Variants in MTRF1 observed in about 807,000 individuals in gnomAD.
MTRF1 encodes the protein mitochondrial translation release factor 1.
A neutral mutation model predicts 62.9 loss-of-function variants in MTRF1; 51 were observed. That is an observed-to-expected ratio of 0.81 (90% confidence interval 0.65 to 1.02). The LOEUF is 1.02. Among genes scored for constraint, MTRF1 ranks in the 50% least tolerant of loss-of-function variants. The pLI, the probability that MTRF1 is intolerant of heterozygous loss-of-function variation, is 0.00. For synonymous variants in MTRF1, 158 were observed against 181.9 expected (o/e 0.87, Z 1.06); for missense variants, 446 against 530.0 (o/e 0.84, Z 1.56).
chr13:41,275,954 T>C, the MTRF1 span, among the ~76,000 whole-genome samples: 1 of 152,188 alleles, frequency 6.6e-6, no homozygotes, highest in African/African-American at 2.4e-5. Context: ...CCATAATCAC[T>C]TGCCCCTCCA....
the MTRF1 span, among the ~76,000 whole-genome samples, chr13:41,299,535 A>T: frequency 1.3e-5 from 2 of 152,170 alleles, no homozygotes; most frequent in East Asian, 3.9e-4. Context: ...TGAATACTAA[A>T]CAGGAATCCA....
chr13:41,274,550 C>A, the MTRF1 span, among the ~76,000 whole-genome samples: 1 of 151,938 alleles, frequency 6.6e-6, no homozygotes, highest in Non-Finnish European at 1.5e-5. Flanking sequence ...AATGCTGAAA[C>A]AAATTTGTTG....
At chr13:41,259,712 A>AAAAACAAAAACAAAAAAAAAC (rs1566179405) in intron 2 of MTRF1, among the ~76,000 whole-genome samples, 2,853 of 136,758 alleles carry the variant, frequency 0.021, 162 homozygotes, top group African/African-American at 0.074. Flanking sequence ...AAAAAAAAAA[A>AAAAACAAAAACAAAAAAAAAC]AAAAAAAAAC....
intron 7 of MTRF1, among the ~76,000 whole-genome samples, chr13:41,227,458 C>T (rs553906301): frequency 2.4e-4 from 37 of 152,274 alleles, no homozygotes; most frequent in African/African-American, 7.5e-4. Context: ...CTAATCAATA[C>T]ATCTAACCTC....
chr13:41,222,169 A>G (rs1028445861), intron 9 of MTRF1, among the ~76,000 whole-genome samples: 1 of 152,146 alleles, frequency 6.6e-6, no homozygotes, highest in African/African-American at 2.4e-5. Context: ...AAAACATCAA[A>G]GATTTCTGTC....
intron 5 of MTRF1, among the ~76,000 whole-genome samples, chr13:41,248,389 T>C (rs1456998042): frequency 6.6e-6 from 1 of 152,258 alleles, no homozygotes; most frequent in Non-Finnish European, 1.5e-5. Context: ...CCCAAAGTGC[T>C]GTGATTACAG....
the MTRF1 span, among the ~76,000 whole-genome samples, chr13:41,273,152 C>T: frequency 3.9e-5 from 6 of 151,946 alleles, no homozygotes; most frequent in African/African-American, 1.5e-4. Flanking sequence ...CAGTGAAACC[C>T]CGTCTCTACT....
intron 2 of MTRF1, among the ~76,000 whole-genome samples, chr13:41,257,515 G>T (rs1375800084): frequency 6.6e-6 from 1 of 152,192 alleles, no homozygotes; most frequent in African/African-American, 2.4e-5. Context: ...TCAAATCCTT[G>T]CTTCTCCCCT....
At chr13:41,218,281 A>ATTTTTTTT (rs199717534) in intron 9 of MTRF1, among the ~76,000 whole-genome samples, 13 of 117,886 alleles carry the variant, frequency 1.1e-4, no homozygotes, top group African/African-American at 4.1e-4. Flanking sequence ...CACCCAGCTA[A>ATTTTTTTT]TTTTTTTTTT....
intron 7 of MTRF1, chr13:41,229,583 T>A (rs533226528): frequency 1.3e-5 from 2 of 152,312 alleles, no homozygotes; most frequent in African/African-American, 4.8e-5. Flanking sequence ...CATAGGGTGG[T>A]TTTACAACTT....
the MTRF1 span, chr13:41,311,230 G>A: frequency 9.8e-6 from 5 of 509,426 alleles, no homozygotes; most frequent in South Asian, 7.6e-5. Context: ...CATGCGCACA[G>A]GATCCGGCTC....
the MTRF1 span, among the ~76,000 whole-genome samples, chr13:41,301,985 T>C: frequency 6.6e-6 from 1 of 152,140 alleles, no homozygotes; most frequent in Non-Finnish European, 1.5e-5. Context: ...ATTTAAACTT[T>C]CTTCTTCAGA....
In MTRF1 at chr13:41,216,964, TG is replaced by T. The variant is rs1285902642; in HGVS notation, c.*150del. ...AAATAAATTCTTAGGTCAGGAAATG[TG>T]ACTTCGATTAATTACAAAACATATA... On this transcript the variant is annotated 3_prime_UTR_variant, in exon 10 of 10. Coordinates refer to ENST00000379480, the MANE Select transcript of MTRF1 (RefSeq NM_004294.4). 5 of 458,496 alleles carry T rather than the reference TG, an allele frequency of 1.1e-5. No homozygotes were observed. Among genetic ancestry groups the T allele is most frequent in the African/African-American group, 1.0e-4 (5 of 49,842 alleles). The allele number at this position is 458,496 out of a possible 1,614,324, so 28.4% of individuals were successfully genotyped here.
At chr13:41,307,776 T>C in the MTRF1 span, among the ~76,000 whole-genome samples, 1 of 152,174 alleles carries the variant, frequency 6.6e-6, no homozygotes, top group Admixed American at 6.5e-5. Flanking sequence ...TGTGAGCCAA[T>C]TAAACTTCTT....
At chr13:41,274,896 A>G in the MTRF1 span, among the ~76,000 whole-genome samples, 1 of 151,654 alleles carries the variant, frequency 6.6e-6, no homozygotes. Context: ...TACAGACATG[A>G]GCCTCCGTGC....
At chr13:41,293,152 T>TTGTG in the MTRF1 span, among the ~76,000 whole-genome samples, 8,142 of 150,280 alleles carry the variant, frequency 0.054, 278 homozygotes, top group Non-Finnish European at 0.074. Context: ...TGTGAAATCT[T>TTGTG]TGTGTGTGTG....
upstream of MTRF1, among the ~76,000 whole-genome samples, chr13:41,267,239 C>T (rs1646734129): frequency 6.6e-6 from 1 of 151,924 alleles, no homozygotes. Flanking sequence ...TTTTTCTAGA[C>T]TTGTGGTATA....
intron 9 of MTRF1, among the ~76,000 whole-genome samples, chr13:41,219,364 T>C (rs2032715763): frequency 6.6e-6 from 1 of 151,942 alleles, no homozygotes; most frequent in Non-Finnish European, 1.5e-5. Flanking sequence ...TTGGAATTGA[T>C]GTAAAAGGAT....
intron 8 of MTRF1, among the ~76,000 whole-genome samples, chr13:41,225,226 A>AAC (rs942420042): frequency 6.6e-6 from 1 of 151,674 alleles, no homozygotes; most frequent in African/African-American, 2.4e-5. Flanking sequence ...AAAAAAAAAA[A>AAC]AACTTTGTGC....
Sources: gnomAD v4.1 joint callset for allele counts (sites outside exome capture counted in the v4.1 genomes callset) on GRCh38, gnomAD v4.1.1 for gene constraint, MANE v1.5 for transcripts, NCBI Gene and HGNC (gene_info 2026-07-23, HGNC 2026-07-21) for gene names.